The following IL1RAPL2 variants were observed in gnomAD, a reference collection of about 807,000 sequenced individuals.
IL1RAPL2 encodes the protein interleukin 1 receptor accessory protein like 2, also known as X-linked interleukin-1 receptor accessory protein-like 2.
Under a neutral mutation model 44.1 loss-of-function variants are expected in IL1RAPL2, and 3 were observed. The observed-to-expected ratio is 0.07, with a 90% CI of 0.03 to 0.18. The LOEUF (loss-of-function observed/expected upper bound fraction) is 0.18. Ranked by LOEUF, IL1RAPL2 falls within the 10% of genes least tolerant of loss-of-function variation. The pLI is 1.00. For synonymous variants in IL1RAPL2, 181 were observed against 178.8 expected, an observed-to-expected ratio of 1.01 and a Z score of -0.10; for missense variants, 391 against 496.4, an observed-to-expected ratio of 0.79 and a Z score of 2.02.
intron 2 of IL1RAPL2, among the ~76,000 whole-genome samples, chrX:105,168,303 CAG>C (rs1203047571): frequency 1.8e-5 from 2 of 111,102 alleles, no homozygotes; most frequent in Admixed American, 1.9e-4. Context: ...CTACGAGTGT[CAG>C]TGTTTTCCTC....
At chrX:105,763,214 T>TACA (rs1312522328) in intron 10 of IL1RAPL2, among the ~76,000 whole-genome samples, 2 of 111,815 alleles carry the variant, frequency 1.8e-5, no homozygotes, top group African/African-American at 6.5e-5. Flanking sequence ...TCTTCTCTTT[T>TACA]ACAACTCTTT....
intron 5 of IL1RAPL2, among the ~76,000 whole-genome samples, chrX:105,378,594 G>C (rs2035405572): frequency 9.0e-6 from 1 of 111,710 alleles, no homozygotes; most frequent in African/African-American, 3.2e-5. Context: ...CAGAATGAGT[G>C]AGCAGCTTTC....
intron 2 of IL1RAPL2, among the ~76,000 whole-genome samples, chrX:104,831,520 G>A (rs981922731): frequency 1.8e-5 from 2 of 111,692 alleles, no homozygotes; most frequent in African/African-American, 6.5e-5. Context: ...ATGTAGCAGG[G>A]CAGGGAGTCA....
At chrX:104,701,381 G>A (rs929899966) in intron 2 of IL1RAPL2, among the ~76,000 whole-genome samples, 2 of 111,612 alleles carry the variant, frequency 1.8e-5, no homozygotes, top group African/African-American at 3.3e-5. Flanking sequence ...ATTCAAGCTC[G>A]GGTGGTTTGA....
intron 2 of IL1RAPL2, among the ~76,000 whole-genome samples, chrX:104,680,430 A>C (rs1930871361): frequency 9.0e-6 from 1 of 111,451 alleles, no homozygotes; most frequent in Non-Finnish European, 1.9e-5. Flanking sequence ...ATCCTCAATC[A>C]GGGATAACTT....
chrX:105,736,814 A>G (rs2038453505), intron 7 of IL1RAPL2, among the ~76,000 whole-genome samples: 2 of 111,943 alleles, frequency 1.8e-5, no homozygotes, highest in Non-Finnish European at 3.8e-5. Flanking sequence ...CAGTTTGGCA[A>G]TTTCTCAAAC....
chrX:104,632,052 C>G (rs1475785270), intron 1 of IL1RAPL2, among the ~76,000 whole-genome samples: 1 of 111,617 alleles, frequency 9.0e-6, no homozygotes, highest in South Asian at 3.8e-4. Context: ...TTTCAGCTTT[C>G]TACATATGGC....
chrX:105,636,936 C>T (rs1295948427), intron 6 of IL1RAPL2, among the ~76,000 whole-genome samples: 1 of 111,449 alleles, frequency 9.0e-6, no homozygotes, highest in Non-Finnish European at 1.9e-5. Flanking sequence ...ACTATCCTGG[C>T]TTCATCCTCA....
rs183072123 is a variant in IL1RAPL2 at position 105,372,093 on chromosome X, G to A, written c.697+104552G>A. Among the ~76,000 whole-genome samples the A allele has an allele frequency of 1.3e-4, 14 of 111,130 alleles. No homozygotes were observed. The East Asian group carries it at 4.0e-3, about 32-fold the overall frequency. On this transcript the variant is annotated intron_variant, in intron 5 of 10. Coordinates refer to ENST00000372582, the MANE Select transcript of IL1RAPL2 (RefSeq NM_017416.2). ...TACTTGAATGCCTCTAACAACAGAA[G>A]ACTTATTACCTCTTAAGCTACAACC...
chrX:104,842,111 T>C (rs1921919074), intron 2 of IL1RAPL2, among the ~76,000 whole-genome samples: 1 of 110,088 alleles, frequency 9.1e-6, no homozygotes, highest in Admixed American at 9.8e-5. Context: ...TCTTTAATCT[T>C]GTCTACATGC....
chrX:104,994,716 C>T (rs990757090), intron 2 of IL1RAPL2, among the ~76,000 whole-genome samples: 2 of 110,797 alleles, frequency 1.8e-5, no homozygotes, highest in South Asian at 3.9e-4. Flanking sequence ...ATAGAATGTG[C>T]CTAGCCACAT....
chrX:105,025,965 T>C (rs762287306), intron 2 of IL1RAPL2, among the ~76,000 whole-genome samples: 1 of 111,005 alleles, frequency 9.0e-6, no homozygotes, highest in Non-Finnish European at 1.9e-5. Flanking sequence ...TGGGAACTAA[T>C]TGATTTTCCC....
At chrX:104,655,611 G>A (rs932040583) in intron 1 of IL1RAPL2, among the ~76,000 whole-genome samples, 2 of 111,832 alleles carry the variant, frequency 1.8e-5, no homozygotes, top group Non-Finnish European at 3.8e-5. Flanking sequence ...ATGTTCATCA[G>A]GGATATTGGT....
chrX:105,669,452 T>G (rs1240838551), intron 6 of IL1RAPL2, among the ~76,000 whole-genome samples: 10 of 111,900 alleles, frequency 8.9e-5, no homozygotes, highest in Non-Finnish European at 1.7e-4. Context: ...GAGACTTCAT[T>G]TCTTAGAAGA....
intron 2 of IL1RAPL2, among the ~76,000 whole-genome samples, chrX:105,132,724 C>A (rs1164314452): frequency 9.0e-6 from 1 of 111,370 alleles, no homozygotes; most frequent in Non-Finnish European, 1.9e-5. Context: ...TAATTAAAAT[C>A]TGAGTCTATT....
chrX:104,595,918 ATT>A (rs5903239), intron 1 of IL1RAPL2, among the ~76,000 whole-genome samples: 2 of 103,887 alleles, frequency 1.9e-5, no homozygotes, highest in Admixed American at 2.1e-4. Flanking sequence ...AACCTTTTTT[ATT>A]TTTTTTTTTC....
intron 3 of IL1RAPL2, among the ~76,000 whole-genome samples, chrX:105,226,385 C>CTTTTTTTTTTTTTTTTTTTTT (rs35192051): frequency 1.9e-4 from 10 of 53,352 alleles, no homozygotes; most frequent in African/African-American, 9.5e-4. Flanking sequence ...TTTCTTTTCC[C>CTTTTTTTTTTTTTTTTTTTTT]TTTTTTTTTT....
chrX:105,160,049 CGT>C (rs2033308830), intron 2 of IL1RAPL2, among the ~76,000 whole-genome samples: 5 of 98,834 alleles, frequency 5.1e-5, no homozygotes, highest in African/African-American at 1.9e-4. Flanking sequence ...TTTCACAAAG[CGT>C]AATCTATTGG....
chrX:104,808,969 G>C lies in IL1RAPL2; in HGVS notation c.82+149974G>C, dbSNP rs189351086. Among the ~76,000 whole-genome samples the C allele has an allele frequency of 3.8e-3, 428 of 111,690 alleles. 1 individual carries two copies. Among genetic ancestry groups the C allele is most frequent in the African/African-American group, 0.013 (407 of 30,740 alleles). On this transcript the variant is annotated intron_variant, in intron 2 of 10. Coordinates refer to ENST00000372582, the MANE Select transcript of IL1RAPL2 (RefSeq NM_017416.2). ...AGTCTGAAAAGGGATCTTAAAAGTC[G>C]TGTACTTGAGGTCCCTCATTTTACA...
Sources: allele counts gnomAD v4.1 joint callset (sites outside exome capture counted in the v4.1 genomes callset), GRCh38; gene constraint gnomAD v4.1.1; transcripts MANE v1.5; gene names NCBI Gene and HGNC (gene_info 2026-07-23, HGNC 2026-07-21).